The following MPC1 variants were observed in gnomAD, a reference collection of about 807,000 sequenced individuals.
The protein encoded by MPC1 is mitochondrial pyruvate carrier 1, also known as HSPC040 protein.
In MPC1, 6 loss-of-function variants were observed where a neutral mutation model predicts 13.9. The ratio of observed to expected loss-of-function variants is 0.43; its 90% CI spans 0.24 to 0.85. The LOEUF is 0.85. MPC1 is among the 40% of genes least tolerant of loss of function. The pLI is 0.24. For missense variants in MPC1, 115 were observed against 143.3 expected, an observed-to-expected ratio of 0.80 and a Z score of 1.01; for synonymous variants, 47 against 50.5, an observed-to-expected ratio of 0.93 and a Z score of 0.29.
Position 166,365,412 on chromosome 6 carries a change from T to C in MPC1, c.*17A>G, listed in dbSNP as rs748434808. On this transcript the variant is annotated 3_prime_UTR_variant, in exon 5 of 5. Coordinates refer to ENST00000360961, the MANE Select transcript of MPC1 (RefSeq NM_016098.4). The surrounding 1 kb of genome is among the most constrained non-coding windows in gnomAD (Gnocchi z 4.2). ...GCAATGCTGTCCCTTCAAGACCTTG[T>C]TCTTCCTTTTCCATTGTTATGCAGA... 1 of 1,565,896 alleles carries C rather than the reference T, an allele frequency of 6.4e-7. No homozygotes were observed. Among genetic ancestry groups the C allele is most frequent in the South Asian group, 1.2e-5 (1 of 84,052 alleles).
chr6:166,373,368 G>A (rs985456950), intron 1 of MPC1, among the ~76,000 whole-genome samples: 1 of 152,196 alleles, frequency 6.6e-6, no homozygotes, highest in Non-Finnish European at 1.5e-5. Context: ...TTGTGTAGTT[G>A]GAACCAGGTA....
In MPC1 at chr6:166,371,765, T is replaced by G. The variant is rs553576247; in HGVS notation, c.72-1544A>C. The stretch of plus-strand genomic sequence containing the variant: ...TGTTTTTCTCCTATACATACATACC[T>G]ATGATAATGTTTAATTTATAAATTA... On this transcript the variant is annotated intron_variant, in intron 1 of 4. Coordinates refer to ENST00000360961, the MANE Select transcript of MPC1 (RefSeq NM_016098.4). Among the ~76,000 whole-genome samples, 83 of 152,318 alleles carry G rather than the reference T, an allele frequency of 5.4e-4. No homozygotes were observed. The Middle Eastern group carries it at 0.014, about 25-fold the overall frequency.
intron 2 of MPC1, 164 bp downstream of exon 2, chr6:166,370,054 G>A: frequency 1.4e-6 from 1 of 723,836 alleles, no homozygotes; most frequent in Non-Finnish European, 2.6e-6. Flanking sequence ...CTCGTGTCTA[G>A]GCTCCCCAGG....
chr6:166,367,762 C>A (rs905291537), intron 2 of MPC1, among the ~76,000 whole-genome samples: 1 of 152,174 alleles, frequency 6.6e-6, no homozygotes, highest in African/African-American at 2.4e-5. Flanking sequence ...CTAAACACCC[C>A]TTTTAGTTAT....
In MPC1 at chr6:166,365,440, C is replaced by T. The variant is rs1272927641; in HGVS notation, c.319G>A (p.Ala107Thr). The change falls in exon 5 of 5, where the codon GCA becomes ACA. Residue 107 changes from alanine (A) to threonine (T), a missense_variant. Physicochemically the swap from Ala to Thr is moderately conservative, Grantham distance 58. This residue lies in a region of MPC1 where 71 missense variants were observed against 88.5 expected (regional missense o/e 0.80). Transcript: ENST00000360961. The surrounding 1 kb of genome is among the most constrained non-coding windows in gnomAD (Gnocchi z 4.2). Reference sequence around the variant, plus strand: ...TTCCTTTTCCATTGTTATGCAGATGCCGTTTTAGTCATCCTGGAAAGAAAC... The same window carrying T: ...TTCCTTTTCCATTGTTATGCAGATGTCGTTTTAGTCATCCTGGAAAGAAAC... ...RLIKHEMTKT[A>T]SA The T allele has an allele frequency of 7.6e-6, 12 of 1,580,438 alleles. No homozygotes were observed. The highest frequency in any genetic ancestry group is 4.6e-5 in the East Asian group (2 of 43,830).
Position 166,365,712 on chromosome 6 carries a change from C to T in MPC1, c.306-259G>A, listed in dbSNP as rs1779124195. On this transcript the variant is annotated intron_variant, in intron 4 of 4. Coordinates refer to ENST00000360961, the MANE Select transcript of MPC1 (RefSeq NM_016098.4). This position sits in a 1 kb window ranked among gnomAD's most constrained non-coding sequence, Gnocchi z 4.2. ...TGAAAATCCAAAATCCAAAATGCTC[C>T]AATGAGCACTTCCTTTGAGTGTCAT... Among the ~76,000 whole-genome samples the T allele has an allele frequency of 6.6e-6, 1 of 152,186 alleles. No individual in the cohort carries two copies. The highest frequency in any genetic ancestry group is 6.5e-5 in the Admixed American group (1 of 15,280).
At chr6:166,366,648 A>C (rs1779166447) in intron 3 of MPC1, 147 bp downstream of exon 3, 1 of 721,082 alleles carries the variant, frequency 1.4e-6, no homozygotes, top group African/African-American at 1.8e-5. Flanking sequence ...TCTTACTGAC[A>C]TAGAGAAGTA....
rs542321228 is a variant in MPC1, at chr6:166,370,431, G to A, written c.72-210C>T. On this transcript the variant is annotated intron_variant, in intron 1 of 4. Transcript: ENST00000360961. ...TTTCTAATAAGAACTTTGACTTCAT[G>A]AAATTAGATCTTAGTTTTATGGAAA... The A allele has an allele frequency of 7.2e-4, 381 of 528,222 alleles. 6 individuals are homozygous for A. In the South Asian group the frequency reaches 8.7e-3, roughly 12 times the overall value. The allele number at this position is 528,222 out of a possible 1,614,324, so 32.7% of individuals were successfully genotyped here. A position where few individuals can be genotyped will look rare whatever the true frequency, so the allele number is the denominator to read the frequency against.
In MPC1 at chr6:166,365,446, T is replaced by G; in HGVS notation, c.313A>C (p.Lys105Gln). 4.4e-6 allele frequency: 7 copies of G among 1,583,268 alleles called. No homozygotes were observed. Among genetic ancestry groups the G allele is most frequent in the Non-Finnish European group, 6.0e-6 (7 of 1,163,178 alleles). Residue 105 changes from lysine to glutamine, a missense_variant, in exon 5 of 5, where the codon AAA becomes CAA. By Grantham distance (53) the Lys-to-Gln change is moderately conservative (BLOSUM62 1). This residue lies in a region of MPC1 where 71 missense variants were observed against 88.5 expected (regional missense o/e 0.80). Transcript: ENST00000360961. The surrounding 1 kb of genome is among the most constrained non-coding windows in gnomAD (Gnocchi z 4.2). ...TTCCATTGTTATGCAGATGCCGTTTTAGTCATCCTGGAAAGAAACAAAAAG... is the reference window on the plus strand; with the variant it reads ...TTCCATTGTTATGCAGATGCCGTTTGAGTCATCCTGGAAAGAAACAAAAAG... ...GGRLIKHEMT[K>Q]TASA
At chr6:166,374,628 G>A (rs1042270451) in intron 1 of MPC1, among the ~76,000 whole-genome samples, 4 of 152,130 alleles carry the variant, frequency 2.6e-5, no homozygotes, top group Admixed American at 6.5e-5. Context: ...GTCTACATTC[G>A]TTTCTGTTTT....
chr6:166,370,483 G>A, intron 1 of MPC1: 1 of 421,930 alleles, frequency 2.4e-6, no homozygotes, highest in East Asian at 4.0e-5. Flanking sequence ...GAGCAGAACT[G>A]TCCAATAGAA....
At position 166,375,716 on chromosome 6, in the gene MPC1, G is replaced by A. The variant is rs551061528; in HGVS notation, c.72-5495C>T. Among the ~76,000 whole-genome samples, 9 of 152,220 alleles carry A rather than the reference G, an allele frequency of 5.9e-5. No individual in the cohort carries two copies. In the East Asian group the frequency reaches 1.5e-3, roughly 26 times the overall value. ...AAGTATCGGGGATTTTCCAGCTTTC[G>A]TTAGTGACTTCTAGTTGAATTCCAA... On this transcript the variant is annotated intron_variant, in intron 1 of 4. Coordinates refer to ENST00000360961, the MANE Select transcript of MPC1 (RefSeq NM_016098.4).
In MPC1 at chr6:166,382,111, C is replaced by T. The variant is rs9766808; in HGVS notation, c.71+695G>A. Among the ~76,000 whole-genome samples the T allele has an allele frequency of 1.3e-3, 203 of 152,390 alleles. 1 individual carries two copies. The highest frequency in any genetic ancestry group is 4.8e-3 in the African/African-American group (200 of 41,596). ...AAACCGGCCAGGAAACCACTCCCGCCCGGAGGAGCGAGCCACTGTCAACTG... is the reference window on the plus strand; with the variant it reads ...AAACCGGCCAGGAAACCACTCCCGCTCGGAGGAGCGAGCCACTGTCAACTG... On this transcript the variant is annotated intron_variant, in intron 1 of 4. Transcript: ENST00000360961.
At chr6:166,367,990 C>T (rs968645398) in intron 2 of MPC1, among the ~76,000 whole-genome samples, 6 of 152,166 alleles carry the variant, frequency 3.9e-5, no homozygotes, top group African/African-American at 1.4e-4. Context: ...GCCACAAGGT[C>T]ATTTAGATAA....
intron 1 of MPC1, among the ~76,000 whole-genome samples, chr6:166,374,416 A>C (rs1231582344): frequency 6.6e-6 from 1 of 152,160 alleles, no homozygotes; most frequent in Non-Finnish European, 1.5e-5. Flanking sequence ...CACAGAGCAA[A>C]ACTTTTTAAT....
chr6:166,382,317 G>A (rs1779822541), intron 1 of MPC1, among the ~76,000 whole-genome samples: 2 of 150,576 alleles, frequency 1.3e-5, no homozygotes, highest in Admixed American at 1.3e-4. Flanking sequence ...TGCCACTCTG[G>A]CCGGGAAGGG....
chr6:166,367,567 T>C (rs1304097255), intron 2 of MPC1, among the ~76,000 whole-genome samples: 1 of 152,220 alleles, frequency 6.6e-6, no homozygotes, highest in Non-Finnish European at 1.5e-5. Context: ...ATTCCACAAC[T>C]ACACTCATCC....
At position 166,369,454 on chromosome 6, in the gene MPC1, G is replaced by C. The variant is rs561645489; in HGVS notation, c.75+764C>G. 14 of 154,914 alleles carry C rather than the reference G, an allele frequency of 9.0e-5. No homozygotes were observed. The Middle Eastern group carries it at 1.6e-3, about 17-fold the overall frequency. The allele number at this position is 154,914 out of a possible 1,614,324, so 9.6% of individuals were successfully genotyped here. A position where few individuals can be genotyped will look rare whatever the true frequency, so the allele number is the denominator to read the frequency against. On this transcript the variant is annotated intron_variant, in intron 2 of 4. Coordinates refer to ENST00000360961, the MANE Select transcript of MPC1 (RefSeq NM_016098.4). ...AAAGTTTAAGTGTGATGAGTGTTAG[G>C]TTATAGGAAACAGTTCTGCAAGTTA... is the stretch of plus-strand genomic sequence containing the variant.
intron 2 of MPC1, 32 bp from the exon 3 acceptor site, chr6:166,366,923 AG>A (rs760402541): frequency 6.2e-6 from 10 of 1,613,554 alleles, no homozygotes; most frequent in Non-Finnish European, 1.7e-6. Flanking sequence ...GAATGAAGAG[AG>A]GAAAAAGTTA....
Sources: gnomAD v4.1 joint callset for allele counts (sites outside exome capture counted in the v4.1 genomes callset) on GRCh38, gnomAD v4.1.1 for gene constraint, gnomAD v4.1.1 regional missense constraint, Gnocchi (gnomAD v3.1) non-coding constraint, MANE v1.5 for transcripts, NCBI Gene and HGNC (gene_info 2026-07-23, HGNC 2026-07-21) for gene names.